The following GOLGA8A variants were observed in gnomAD, a reference collection of about 807,000 sequenced individuals.
GOLGA8A encodes golgin subfamily A member 8A.
In GOLGA8A, 3 loss-of-function variants were observed where a neutral mutation model predicts 22.1. The ratio of observed to expected loss-of-function variants is 0.14; its 90% CI spans 0.06 to 0.35. The LOEUF (loss-of-function observed/expected upper bound fraction) is 0.35, where lower values mean the gene tolerates loss of function less well. Among genes scored for constraint, GOLGA8A ranks in the 10% least tolerant of loss-of-function variants. The probability of loss-of-function intolerance (pLI) is 1.00; values close to 1 mark genes in which losing one functional copy is unlikely to be tolerated. For synonymous variants in GOLGA8A, 7 were observed against 91.7 expected (o/e 0.08, Z 5.28); for missense variants, 16 against 233.2 (o/e 0.07, Z 6.07).
intron 2 of GOLGA8A, among the ~76,000 whole-genome samples, chr15:34,425,407 T>C (rs1028851462): frequency 7.1e-6 from 1 of 141,698 alleles, no homozygotes; most frequent in Non-Finnish European, 1.5e-5. Context: ...AAAAACTACA[T>C]CCACAAATCA....
In GOLGA8A at chr15:34,409,910, AG is replaced by A; in HGVS notation, c.-1122-2176del. On this transcript the variant is annotated intron_variant, in intron 2 of 24. Transcript: ENST00000359187. ...ACCTCTGAGGAGGACGACTATGATG[AG>A]GGCCTCCCTGAGGAGGAGGAGGGCA... 9.0e-6 allele frequency: 5 copies of A among 556,078 alleles called. No homozygotes were observed. The South Asian group carries it at 9.3e-5, about 10-fold the overall frequency. 34.4% of individuals were successfully genotyped at this position (556,078 alleles called of 1,614,324 possible). A position where few individuals can be genotyped will look rare whatever the true frequency, so the allele number is the denominator to read the frequency against.
intron 2 of GOLGA8A, among the ~76,000 whole-genome samples, chr15:34,431,277 C>A (rs1298775208): frequency 2.1e-5 from 2 of 93,932 alleles, no homozygotes; most frequent in African/African-American, 7.3e-5. Flanking sequence ...CCAAACCAAC[C>A]AAATGAAAAA....
At chr15:34,425,484 G>T (rs1892947788) in intron 2 of GOLGA8A, among the ~76,000 whole-genome samples, 1 of 145,542 alleles carries the variant, frequency 6.9e-6, no homozygotes, top group South Asian at 2.4e-4. Context: ...AGACTATCAA[G>T]TATTAGCAGA....
Position 34,380,218 on chromosome 15 carries a change from T to C in GOLGA8A, c.*1193A>G, listed in dbSNP as rs562429281. On this transcript the variant is annotated 3_prime_UTR_variant, in exon 25 of 25. Transcript: ENST00000359187. The stretch of plus-strand genomic sequence containing the variant: ...TCCTATGTCAGAGTAACCGAGGTGG[T>C]TGAAGAATAGGTATTAGCCAGAGAG... 11 of 152,232 alleles carry C rather than the reference T, an allele frequency of 7.2e-5. No homozygotes were observed. In the South Asian group the frequency reaches 1.9e-3, roughly 26 times the overall value. 9.4% of individuals were successfully genotyped at this position (152,232 alleles called of 1,614,324 possible). A position where few individuals can be genotyped will look rare whatever the true frequency, so the allele number is the denominator to read the frequency against.
chr15:34,432,954 G>A (rs369603614), intron 2 of GOLGA8A, among the ~76,000 whole-genome samples: 1 of 148,698 alleles, frequency 6.7e-6, no homozygotes, highest in Admixed American at 6.8e-5. Context: ...ATTGCATCTC[G>A]TCTGTGCCTC....
chr15:34,431,335 A>ATC (rs1254192860), intron 2 of GOLGA8A, among the ~76,000 whole-genome samples: 152 of 69,628 alleles, frequency 2.2e-3, no homozygotes, highest in Non-Finnish European at 3.9e-3. Context: ...ATATATATAT[A>ATC]TATATATATA....
At chr15:34,428,824 C>T (rs1300515302) in intron 2 of GOLGA8A, 2 of 145,892 alleles carry the variant, frequency 1.4e-5, no homozygotes, top group African/African-American at 5.1e-5. Context: ...GCCCATCACC[C>T]TGCAGCGCTG....
At position 34,380,539 on chromosome 15, in the gene GOLGA8A, G is replaced by T. The variant is rs1158456757; in HGVS notation, c.*872C>A. 6.6e-6 allele frequency: 1 copy of T among 152,246 alleles called. No individual in the cohort carries two copies. Among genetic ancestry groups the T allele is most frequent in the Non-Finnish European group, 1.5e-5 (1 of 68,080 alleles). 9.4% of individuals were successfully genotyped at this position (152,246 alleles called of 1,614,324 possible). A position where few individuals can be genotyped will look rare whatever the true frequency, so the allele number is the denominator to read the frequency against. On this transcript the variant is annotated 3_prime_UTR_variant, in exon 25 of 25. Coordinates refer to ENST00000359187, the MANE Select transcript of GOLGA8A (RefSeq NM_181077.5). ...ATACAAATGCTCTAAGCTAGGAAAG[G>T]TTTTTCACACCCACAGCCAATGATG...
chr15:34,401,182 C>A (rs1892049533), intron 5 of GOLGA8A, among the ~76,000 whole-genome samples: 1 of 1,212 alleles, frequency 8.3e-4, no homozygotes, highest in South Asian at 9.3e-3. Context: ...AACCACCAAC[C>A]TGGTCCTGAA....
rs16954645 is a variant in GOLGA8A, at chr15:34,379,900, A to C, written c.*1511T>G. On this transcript the variant is annotated 3_prime_UTR_variant, in exon 25 of 25. Coordinates refer to ENST00000359187, the MANE Select transcript of GOLGA8A (RefSeq NM_181077.5). ...GCACAAAGTATGTCCCTGACTGAAA[A>C]TGAGAGGTACAAAAACGTATTTCAC... 33 of 152,730 alleles carry C rather than the reference A, an allele frequency of 2.2e-4. No homozygotes were observed. Among genetic ancestry groups the C allele is most frequent in the African/African-American group, 4.3e-4 (18 of 41,578 alleles). The allele number at this position is 152,730 out of a possible 1,614,324, so 9.5% of individuals were successfully genotyped here. A position where few individuals can be genotyped will look rare whatever the true frequency, so the allele number is the denominator to read the frequency against.
At position 34,381,283 on chromosome 15, in the gene GOLGA8A, T is replaced by C. The variant is rs1891476202; in HGVS notation, c.*128A>G. ...TTACAAATAAACTTAAACTATAAAT[T>C]AGAAACACAAATAATCATGAGTAGC... On this transcript the variant is annotated 3_prime_UTR_variant, in exon 25 of 25. Coordinates refer to ENST00000359187, the MANE Select transcript of GOLGA8A (RefSeq NM_181077.5). 1 of 1,101,060 alleles carries C rather than the reference T, an allele frequency of 9.1e-7. No homozygotes were observed. The allele number at this position is 1,101,060 out of a possible 1,614,324, so 68.2% of individuals were successfully genotyped here.
At chr15:34,430,720 A>G (rs1273535550) in intron 2 of GOLGA8A, among the ~76,000 whole-genome samples, 1 of 149,822 alleles carries the variant, frequency 6.7e-6, no homozygotes, top group Non-Finnish European at 1.5e-5. Context: ...CTGTAGCAGA[A>G]CAGTTGCACA....
Position 34,423,860 on chromosome 15 carries a change from AC to A in GOLGA8A, c.-1123+11522del, listed in dbSNP as rs1410881146. Among the ~76,000 whole-genome samples, 589 of 148,078 alleles carry A rather than the reference AC, an allele frequency of 4.0e-3. 44 individuals carry two copies. Among genetic ancestry groups the A allele is most frequent in the Middle Eastern group, 0.01 (3 of 292 alleles). On this transcript the variant is annotated intron_variant, in intron 2 of 24. Transcript: ENST00000359187. ...GGCTGTGCCCTACCCTCTTCTCCCT[AC>A]CCCCTCATCTGCCTGTGCACCCAGG...
intron 2 of GOLGA8A, among the ~76,000 whole-genome samples, chr15:34,427,522 C>T (rs1338404883): frequency 1.3e-5 from 2 of 148,242 alleles, no homozygotes; most frequent in Non-Finnish European, 3.0e-5. Flanking sequence ...CTCAACAGAG[C>T]AAATCCACCT....
rs1207094414 is a variant in GOLGA8A, at chr15:34,431,147, TAATC to T, written c.-1123+4232_-1123+4235del. 6.7e-5 allele frequency among the ~76,000 whole-genome samples: 10 copies of T among 148,348 alleles called. 3 individuals carry two copies. The highest frequency in any genetic ancestry group is 1.2e-4 in the Non-Finnish European group (8 of 67,044). On this transcript the variant is annotated intron_variant, in intron 2 of 24. Transcript: ENST00000359187. Reference sequence around the variant, plus strand: ...CAATGGATTTTTCCAAGACAGTTGATAATCAAACCAACTGCGGGAAACCATAAAC... The same window carrying T: ...CAATGGATTTTTCCAAGACAGTTGATAAACCAACTGCGGGAAACCATAAAC...
At chr15:34,431,627 T>C (rs1435054109) in intron 2 of GOLGA8A, among the ~76,000 whole-genome samples, 10 of 147,910 alleles carry the variant, frequency 6.8e-5, no homozygotes, top group Non-Finnish European at 1.5e-4. Flanking sequence ...AACGTTAAAA[T>C]ATGCTATAAA....
rs73376075 is a variant in GOLGA8A, at chr15:34,425,315, T to C, written c.-1123+10068A>G. Among the ~76,000 whole-genome samples the C allele has an allele frequency of 2.7e-5, 4 of 147,132 alleles. 1 individual carries two copies. In the East Asian group the frequency reaches 8.0e-4, roughly 29 times the overall value. ...GGAGAAACACTCAGAACACAGCAGCTACTTAACCCATGACAAACCTGCCAA... is the reference window on the plus strand; with the variant it reads ...GGAGAAACACTCAGAACACAGCAGCCACTTAACCCATGACAAACCTGCCAA... On this transcript the variant is annotated intron_variant, in intron 2 of 24. Transcript: ENST00000359187.
intron 2 of GOLGA8A, among the ~76,000 whole-genome samples, chr15:34,412,842 A>G (rs972629975): frequency 7.0e-5 from 10 of 142,390 alleles, no homozygotes; most frequent in Non-Finnish European, 1.4e-4. Flanking sequence ...TTTCACATGC[A>G]ATAGAATTTC....
At chr15:34,423,730 G>T (rs1401915314) in intron 2 of GOLGA8A, among the ~76,000 whole-genome samples, 1 of 149,090 alleles carries the variant, frequency 6.7e-6, no homozygotes, top group Non-Finnish European at 1.5e-5. Flanking sequence ...GCACCTCCTG[G>T]CACAGTCAGG....
Sources: allele counts gnomAD v4.1 joint callset (sites outside exome capture counted in the v4.1 genomes callset), GRCh38; gene constraint gnomAD v4.1.1; transcripts MANE v1.5; gene names NCBI Gene and HGNC (gene_info 2026-07-23, HGNC 2026-07-21).